The following CYRIB variants were observed in gnomAD, a reference collection of about 807,000 sequenced individuals.
CYRIB encodes CYFIP related Rac1 interactor B, also known as CYFIP-related Rac1 interactor B.
CYRIB carries 8 observed loss-of-function variants against 44.2 expected under a neutral mutation model. The ratio of observed to expected loss-of-function variants is 0.18; its 90% CI spans 0.11 to 0.33. CYRIB has a LOEUF of 0.33. CYRIB is among the 10% of genes least tolerant of loss of function. The pLI, the probability that CYRIB is intolerant of heterozygous loss-of-function variation, is 1.00. For missense variants in CYRIB, 185 were observed against 382.8 expected (o/e 0.48, Z 4.31); for synonymous variants, 131 against 127.2 (o/e 1.03, Z -0.20).
At chr8:129,938,751 T>C (rs2093255536) in intron 1 of CYRIB, among the ~76,000 whole-genome samples, 1 of 152,168 alleles carries the variant, frequency 6.6e-6, no homozygotes. Context: ...GAAAGAATAC[T>C]AATTTTCTGC....
At chr8:129,990,230 T>C (rs2096594921) in intron 1 of CYRIB, among the ~76,000 whole-genome samples, 1 of 152,212 alleles carries the variant, frequency 6.6e-6, no homozygotes, top group Non-Finnish European at 1.5e-5. Context: ...GTATATACTG[T>C]ATATGCATGT....
At chr8:129,920,882 G>A (rs1471540634) in intron 1 of CYRIB, among the ~76,000 whole-genome samples, 1 of 152,122 alleles carries the variant, frequency 6.6e-6, no homozygotes, top group Non-Finnish European at 1.5e-5. Flanking sequence ...TATCTACAGA[G>A]ATAGATTTCT....
At chr8:129,842,195 T>C (rs1246505120) in exon 12 of CYRIB, 1 of 1,610,884 alleles carries the variant, frequency 6.2e-7, no homozygotes, top group Admixed American at 1.7e-5. Context: ...TTCAAATGTT[T>C]TGTTGTGTAC....
intron 2 of CYRIB, among the ~76,000 whole-genome samples, chr8:129,958,933 C>T (rs952417107): frequency 2.0e-5 from 3 of 151,518 alleles, no homozygotes; most frequent in Non-Finnish European, 4.4e-5. Flanking sequence ...GCTGTGATGG[C>T]GGGCGCCTGT....
chr8:129,899,169 C>A (rs1417869591), intron 2 of CYRIB, among the ~76,000 whole-genome samples: 1 of 152,072 alleles, frequency 6.6e-6, no homozygotes, highest in African/African-American at 2.4e-5. Flanking sequence ...CCTGGCCTTT[C>A]ATTATATCAT....
chr8:129,917,806 G>A (rs970088090), intron 1 of CYRIB, among the ~76,000 whole-genome samples: 18 of 152,170 alleles, frequency 1.2e-4, no homozygotes, highest in African/African-American at 1.7e-4. Flanking sequence ...GCAGTGAGCC[G>A]AGATCGCACC....
intron 1 of CYRIB, among the ~76,000 whole-genome samples, chr8:129,984,260 T>C (rs962098853): frequency 2.0e-5 from 3 of 152,180 alleles, no homozygotes; most frequent in Non-Finnish European, 4.4e-5. Context: ...CACAAGCTGC[T>C]TCCCTCTCCT....
At chr8:129,868,798 C>G (rs1322581984) in intron 4 of CYRIB, 1 of 150,152 alleles carries the variant, frequency 6.7e-6, no homozygotes, top group Non-Finnish European at 1.5e-5. Context: ...AATATATAAA[C>G]AGACTTTAGA....
chr8:130,011,431 G>C (rs2097211348), intron 1 of CYRIB, among the ~76,000 whole-genome samples: 2 of 152,114 alleles, frequency 1.3e-5, no homozygotes, highest in African/African-American at 4.8e-5. Context: ...TGGGGCAGGA[G>C]AATCGCTTGA....
chr8:129,847,011 G>A, intron 10 of CYRIB, 137 bp from the exon 13 acceptor site: 1 of 547,944 alleles, frequency 1.8e-6, no homozygotes, highest in Non-Finnish European at 3.1e-6. Flanking sequence ...ATTATTCTTA[G>A]AACAGAAAAA....
chr8:129,871,407 A>G, exon 4 of CYRIB: 1 of 1,610,544 alleles, frequency 6.2e-7, no homozygotes, highest in Non-Finnish European at 8.5e-7. Context: ...CCTCTGTATG[A>G]CTGCAAGTCC....
intron 1 of CYRIB, among the ~76,000 whole-genome samples, chr8:129,982,587 T>C (rs1049863483): frequency 2.0e-5 from 3 of 152,218 alleles, no homozygotes; most frequent in Non-Finnish European, 4.4e-5. Context: ...TTAGGGAATC[T>C]TGTTGCTTCA....
intron 2 of CYRIB, among the ~76,000 whole-genome samples, chr8:129,895,117 G>A (rs1044236315): frequency 1.5e-5 from 2 of 133,686 alleles, no homozygotes; most frequent in African/African-American, 5.8e-5. Context: ...CGGCGGGGTT[G>A]GGGTGGGGGT....
chr8:129,957,908 T>C (rs934744476), intron 2 of CYRIB, among the ~76,000 whole-genome samples: 2 of 144,750 alleles, frequency 1.4e-5, no homozygotes, highest in African/African-American at 5.2e-5. Flanking sequence ...GAGCTTGCAG[T>C]GAGCCGAGAT....
chr8:129,910,876 T>C (rs992416700), intron 1 of CYRIB, among the ~76,000 whole-genome samples: 5 of 152,214 alleles, frequency 3.3e-5, no homozygotes, highest in Non-Finnish European at 4.4e-5. Context: ...CACTGTAACC[T>C]TGAACTCCTG....
intron 1 of CYRIB, among the ~76,000 whole-genome samples, chr8:129,996,343 C>T (rs1321015713): frequency 6.6e-6 from 1 of 152,148 alleles, no homozygotes; most frequent in Non-Finnish European, 1.5e-5. Flanking sequence ...CACTGGGTCT[C>T]CTTCTATCTA....
At chr8:129,894,804 C>T (rs934268983) in intron 2 of CYRIB, among the ~76,000 whole-genome samples, 1 of 151,936 alleles carries the variant, frequency 6.6e-6, no homozygotes, top group Non-Finnish European at 1.5e-5. Context: ...TTTCTAGTAT[C>T]TTTGTAACCA....
At chr8:129,864,226 C>T (rs967225958) in intron 4 of CYRIB, among the ~76,000 whole-genome samples, 1 of 152,212 alleles carries the variant, frequency 6.6e-6, no homozygotes, top group African/African-American at 2.4e-5. Flanking sequence ...TGTCATTAAT[C>T]TAGAAATATT....
At chr8:129,919,278 G>A (rs956442011) in intron 1 of CYRIB, among the ~76,000 whole-genome samples, 2 of 152,108 alleles carry the variant, frequency 1.3e-5, no homozygotes, top group Admixed American at 1.3e-4. Context: ...ATATATTACC[G>A]CATGTCTTGG....
Sources: allele counts gnomAD v4.1 joint callset (sites outside exome capture counted in the v4.1 genomes callset), GRCh38; gene constraint gnomAD v4.1.1; transcripts MANE v1.5; gene names NCBI Gene and HGNC (gene_info 2026-07-23, HGNC 2026-07-21).